TP63: variants seen among roughly 807,000 people sequenced by gnomAD.
TP63 encodes tumor protein p63, also known as tumor protein 63.
TP63 carries 17 observed loss-of-function variants against 82.8 expected under a neutral mutation model. The ratio of observed to expected loss-of-function variants is 0.21; its 90% confidence interval spans 0.14 to 0.31. The LOEUF is 0.31. Ranked by LOEUF, TP63 falls within the 10% of genes least tolerant of loss-of-function variation. The pLI, the probability that TP63 is intolerant of heterozygous loss-of-function variation, is 1.00. For missense variants in TP63, 648 were observed against 895.3 expected (o/e 0.72, Z 3.52); for synonymous variants, 330 against 321.7 (o/e 1.03, Z -0.28).
intron 1 of TP63, among the ~76,000 whole-genome samples, chr3:189,680,592 A>T (rs1180787247): frequency 1.3e-5 from 2 of 152,226 alleles, no homozygotes; most frequent in Non-Finnish European, 2.9e-5. Flanking sequence ...ACCATGATCA[A>T]ATGGGACTTA....
At position 189,869,356 on chromosome 3, in the gene TP63, A is replaced by G. The variant is rs1718127081; in HGVS notation, c.1162A>G (p.Thr388Ala). ...FRQNTHGIQMTSIKKRRSPDD... is the reference protein window; with the variant it reads ...FRQNTHGIQMASIKKRRSPDD... ...TCAGAACACACATGGTATCCAGATG[A>G]CATCCATCAAGAAACGAAGATCCCC... is the stretch of plus-strand genomic sequence containing the variant. The change falls in exon 9 of 14, where the codon ACA becomes GCA. Residue 388 changes from threonine to alanine, a missense_variant. This residue lies in a region of TP63 where 342 missense variants were observed against 425.7 expected (regional missense o/e 0.80). Transcript: ENST00000264731. 1 of 1,614,108 alleles carries G rather than the reference A, an allele frequency of 6.2e-7. No individual in the cohort carries two copies. The highest frequency in any genetic ancestry group is 8.5e-7 in the Non-Finnish European group (1 of 1,179,974).
chr3:189,881,550 A>C, intron 10 of TP63: 1 of 982,404 alleles, frequency 1.0e-6, no homozygotes, highest in East Asian at 1.1e-4. Context: ...TAAATACTAG[A>C]ATATTCTCAT....
chr3:189,890,978 T>A, intron 13 of TP63, 96 bp downstream of exon 13: 1 of 1,303,176 alleles, frequency 7.7e-7, no homozygotes, highest in Non-Finnish European at 1.1e-6. Context: ...GTTTAAAAAT[T>A]TGTTTTTGTC....
intron 1 of TP63, among the ~76,000 whole-genome samples, chr3:189,678,582 C>T (rs1715646017): frequency 6.6e-6 from 1 of 151,918 alleles, no homozygotes; most frequent in African/African-American, 2.4e-5. Flanking sequence ...TTTTCAGTTT[C>T]ATATAAATTT....
intron 10 of TP63, among the ~76,000 whole-genome samples, chr3:189,884,398 G>GA (rs1293026468): frequency 1.3e-5 from 2 of 152,146 alleles, no homozygotes; most frequent in Non-Finnish European, 2.9e-5. Flanking sequence ...CCATAACCTA[G>GA]AAAAAACAAT....
intron 1 of TP63, among the ~76,000 whole-genome samples, chr3:189,686,088 T>C (rs751711618): frequency 6.6e-6 from 1 of 152,120 alleles, no homozygotes; most frequent in African/African-American, 2.4e-5. Context: ...AATTGTTTGA[T>C]TATGTGGCAG....
At chr3:189,784,090 T>C (rs981273117) in intron 3 of TP63, among the ~76,000 whole-genome samples, 2 of 152,060 alleles carry the variant, frequency 1.3e-5, no homozygotes, top group African/African-American at 4.8e-5. Context: ...TAGTTGACTT[T>C]CATTTTTTAT....
In TP63 at chr3:189,894,464, C is replaced by T. The variant is rs143676789; in HGVS notation, c.2005C>T (p.Arg669Cys). The change falls in exon 14 of 14, where the codon CGC becomes TGC. Residue 669 changes from arginine to cysteine, a missense_variant. By Grantham distance (180) the Arg-to-Cys change is radical. Transcript: ENST00000264731. ...CTTCAACTTTGACATGGATGCTCGC[C>T]GCAATAAGCAACAGCGCATCAAAGA... ...NDFNFDMDAR[R>C]NKQQRIKEEG... 6.2e-6 allele frequency: 10 copies of T among 1,613,844 alleles called. No individual in the cohort carries two copies. The East Asian group carries it at 1.3e-4, about 22-fold the overall frequency.
At chr3:189,826,427 G>A (rs1259462775) in intron 4 of TP63, among the ~76,000 whole-genome samples, 1 of 152,080 alleles carries the variant, frequency 6.6e-6, no homozygotes, top group African/African-American at 2.4e-5. Flanking sequence ...GGGATACTGT[G>A]TATATTTTTT....
At chr3:189,839,237 T>C (rs1398419147) in intron 4 of TP63, among the ~76,000 whole-genome samples, 2 of 152,072 alleles carry the variant, frequency 1.3e-5, no homozygotes, top group Non-Finnish European at 2.9e-5. Flanking sequence ...TAACAGTGAT[T>C]CTCAACAATT....
chr3:189,656,405 G>A (rs190126794), intron 1 of TP63, among the ~76,000 whole-genome samples: 1 of 152,238 alleles, frequency 6.6e-6, no homozygotes, highest in East Asian at 1.9e-4. Context: ...AATATGCTTA[G>A]TTAAAACCAA....
At chr3:189,887,326 A>G (rs1314334951) in intron 11 of TP63, among the ~76,000 whole-genome samples, 1 of 152,152 alleles carries the variant, frequency 6.6e-6, no homozygotes, top group East Asian at 1.9e-4. Context: ...TAAAATTGTC[A>G]CTATATATAC....
intron 1 of TP63, among the ~76,000 whole-genome samples, chr3:189,668,097 AG>A (rs2108665372): frequency 6.6e-6 from 1 of 152,178 alleles, no homozygotes; most frequent in Admixed American, 6.6e-5. Context: ...AGCAAGTTAC[AG>A]GGGCTTGAGA....
intron 4 of TP63, among the ~76,000 whole-genome samples, chr3:189,851,468 T>C (rs541321865): frequency 6.6e-6 from 1 of 152,022 alleles, no homozygotes; most frequent in Admixed American, 6.6e-5. Flanking sequence ...CCAGCTACTC[T>C]GGAGGCTGAG....
At chr3:189,645,482 T>G (rs1712338812) in intron 1 of TP63, 1 of 224,250 alleles carries the variant, frequency 4.5e-6, no homozygotes. Context: ...TTTTTTTATT[T>G]TTTATTGTGT....
chr3:189,818,992 T>C (rs971259709), intron 4 of TP63, among the ~76,000 whole-genome samples: 26 of 152,294 alleles, frequency 1.7e-4, no homozygotes, highest in African/African-American at 6.3e-4. Context: ...CTTATAACCT[T>C]TCTATACAAA....
At chr3:189,658,944 A>T (rs1450040888) in intron 1 of TP63, among the ~76,000 whole-genome samples, 1 of 152,080 alleles carries the variant, frequency 6.6e-6, no homozygotes, top group South Asian at 2.1e-4. Flanking sequence ...ATACTAATAT[A>T]TGATGTTAAT....
chr3:189,608,163 C>T, the TP63 span, among the ~76,000 whole-genome samples: 3 of 151,988 alleles, frequency 2.0e-5, no homozygotes, highest in African/African-American at 7.2e-5. Flanking sequence ...GTTGTGTGTA[C>T]TGTGTGTGCA....
intron 3 of TP63, among the ~76,000 whole-genome samples, chr3:189,743,209 T>A (rs368553141): frequency 1.3e-5 from 2 of 152,140 alleles, no homozygotes; most frequent in African/African-American, 2.4e-5. Flanking sequence ...GTTTAACAGA[T>A]TCAAAGTGTT....
Sources: allele counts gnomAD v4.1 joint callset (sites outside exome capture counted in the v4.1 genomes callset), GRCh38; gene constraint gnomAD v4.1.1; regional missense constraint gnomAD v4.1.1; transcripts MANE v1.5; gene names NCBI Gene and HGNC (gene_info 2026-07-23, HGNC 2026-07-21).